Variants in DGKB observed in about 807,000 individuals in gnomAD.
The protein encoded by DGKB is diacylglycerol kinase beta.
DGKB carries 67 observed loss-of-function variants against 114.3 expected under a neutral mutation model. The observed-to-expected ratio is 0.59, with a 90% CI of 0.48 to 0.72. The LOEUF (loss-of-function observed/expected upper bound fraction) is 0.72. Ranked by LOEUF, DGKB falls within the 30% of genes least tolerant of loss-of-function variation. The pLI, the probability that DGKB is intolerant of heterozygous loss-of-function variation, is 0.00. For synonymous variants in DGKB, 398 were observed against 323.1 expected, an observed-to-expected ratio of 1.23 and a Z score of -2.49; for missense variants, 907 against 975.2, an observed-to-expected ratio of 0.93 and a Z score of 0.93.
chr7:14,314,348 C>T (rs1806054619), intron 23 of DGKB, among the ~76,000 whole-genome samples: 1 of 151,476 alleles, frequency 6.6e-6, no homozygotes, highest in African/African-American at 2.4e-5. Flanking sequence ...TACGGGAGGA[C>T]ATTCAAACCA....
chr7:14,168,356 A>G (rs906842135), intron 25 of DGKB, among the ~76,000 whole-genome samples: 13 of 152,218 alleles, frequency 8.5e-5, no homozygotes, highest in Admixed American at 8.5e-4. Flanking sequence ...TCAGAGTTTT[A>G]GAAGGAGAGG....
intron 13 of DGKB, among the ~76,000 whole-genome samples, chr7:14,640,809 A>G (rs1585267949): frequency 1.3e-5 from 2 of 152,346 alleles, no homozygotes; most frequent in East Asian, 3.9e-4. Flanking sequence ...CTTTCTGATC[A>G]CCACTGTTTC....
intron 23 of DGKB, among the ~76,000 whole-genome samples, chr7:14,232,559 A>G (rs1792076171): frequency 3.9e-5 from 6 of 151,902 alleles, no homozygotes; most frequent in Non-Finnish European, 2.9e-5. Context: ...GAGAATCATA[A>G]GAGTGAACCA....
chr7:14,402,247 T>A (rs1823242300), intron 21 of DGKB, among the ~76,000 whole-genome samples: 2 of 151,888 alleles, frequency 1.3e-5, no homozygotes, highest in Admixed American at 1.3e-4. Context: ...AGCTTAGCTA[T>A]TTCTGTAAGT....
rs140950000 is a variant in DGKB, at chr7:14,908,722, C to A, written c.-188+65974G>T. Among the ~76,000 whole-genome samples the A allele has an allele frequency of 4.4e-3, 662 of 152,152 alleles. 7 individuals are homozygous for A. The highest frequency in any genetic ancestry group is 0.015 in the African/African-American group (641 of 41,544). ...TAAATGAAATCTTACCTTTCTGTAA[C>A]TTCTATAAAGACAGGTAACTTGAAA... On this transcript the variant is annotated intron_variant, in intron 1 of 4. Transcript: ENST00000437998.
At chr7:14,934,185 A>G (rs1292847515) in intron 1 of DGKB, among the ~76,000 whole-genome samples, 1 of 152,134 alleles carries the variant, frequency 6.6e-6, no homozygotes, top group African/African-American at 2.4e-5. Flanking sequence ...TTCACCTTCC[A>G]TTTATTTGAT....
At chr7:14,966,610 G>C (rs1011237253) in intron 1 of DGKB, among the ~76,000 whole-genome samples, 5 of 152,032 alleles carry the variant, frequency 3.3e-5, no homozygotes, top group African/African-American at 1.2e-4. Flanking sequence ...GGCCTTTAAG[G>C]GAACATTCAA....
At chr7:14,530,084 T>C (rs1584605966) in intron 20 of DGKB, among the ~76,000 whole-genome samples, 1 of 151,680 alleles carries the variant, frequency 6.6e-6, no homozygotes, top group Non-Finnish European at 1.5e-5. Flanking sequence ...TGAGAGCTCA[T>C]TAAAGGTGTC....
chr7:14,310,397 A>T (rs1210403728), intron 23 of DGKB, among the ~76,000 whole-genome samples: 1 of 152,228 alleles, frequency 6.6e-6, no homozygotes, highest in Admixed American at 6.5e-5. Context: ...ACATAGATGT[A>T]GATTTCGCAA....
rs137883809 is a variant in DGKB at position 14,471,082 on chromosome 7, G to T, written c.1835+7079C>A. 1.3e-3 allele frequency among the ~76,000 whole-genome samples: 195 copies of T among 150,126 alleles called. 1 individual carries two copies. Among genetic ancestry groups the T allele is most frequent in the African/African-American group, 4.5e-3 (187 of 41,118 alleles). Reference sequence around the variant, plus strand: ...TTGTGTTCTATTACTCTAGTCTGTGGGCTTTTCTTTGTCTCTATAGCAAAA... The same window carrying T: ...TTGTGTTCTATTACTCTAGTCTGTGTGCTTTTCTTTGTCTCTATAGCAAAA... On this transcript the variant is annotated intron_variant, in intron 21 of 25. Transcript: ENST00000402815.
rs575679725 is a variant in DGKB, at chr7:14,416,842, A to C, written c.1835+61319T>G. On this transcript the variant is annotated intron_variant, in intron 21 of 25. Coordinates refer to ENST00000402815, the MANE Select transcript of DGKB (RefSeq NM_001350709.2). ...TTTAAATTAGTTAGTTTCTACATGC[A>C]CAGGTAATTTTACTCAACGCTCCCT... is the stretch of plus-strand genomic sequence containing the variant. Among the ~76,000 whole-genome samples, 28 of 152,216 alleles carry C rather than the reference A, an allele frequency of 1.8e-4. 1 individual carries two copies. The South Asian group carries it at 5.4e-3, about 29-fold the overall frequency.
At chr7:14,504,921 A>C (rs1464984246) in intron 20 of DGKB, among the ~76,000 whole-genome samples, 1 of 152,184 alleles carries the variant, frequency 6.6e-6, no homozygotes, top group African/African-American at 2.4e-5. Flanking sequence ...TGTTAATTCG[A>C]TAGTCATCTC....
At chr7:14,898,713 C>A (rs1362307787) in intron 1 of DGKB, among the ~76,000 whole-genome samples, 1 of 152,026 alleles carries the variant, frequency 6.6e-6, no homozygotes, top group African/African-American at 2.4e-5. Flanking sequence ...GAATCAGGGC[C>A]AACAATGTGA....
chr7:14,218,744 CTTTATTGAAAT>C (rs1340136446), intron 23 of DGKB, among the ~76,000 whole-genome samples: 1 of 151,738 alleles, frequency 6.6e-6, no homozygotes, highest in Non-Finnish European at 1.5e-5. Context: ...TTTTTTATAG[CTTTATTGAAAT>C]GTAATCCACA....
intron 23 of DGKB, among the ~76,000 whole-genome samples, chr7:14,245,935 AAAAC>A (rs1383076233): frequency 6.6e-6 from 1 of 152,218 alleles, no homozygotes; most frequent in Non-Finnish European, 1.5e-5. Context: ...TCAAAAAACA[AAAAC>A]AAAAACAAAA....
intron 1 of DGKB, among the ~76,000 whole-genome samples, chr7:14,865,114 T>G (rs1448796492): frequency 6.6e-6 from 1 of 152,174 alleles, no homozygotes; most frequent in Non-Finnish European, 1.5e-5. Flanking sequence ...GTGATCAAGA[T>G]GACCCATGTA....
At chr7:14,937,586 A>C (rs17372553) in intron 1 of DGKB, among the ~76,000 whole-genome samples, 21,721 of 152,236 alleles carry the variant, frequency 0.14, 1,627 homozygotes, top group Admixed American at 0.2. Flanking sequence ...TAGCATCTGA[A>C]ACACAATGAG....
intron 1 of DGKB, among the ~76,000 whole-genome samples, chr7:14,966,051 TCTTAAA>T (rs1562909727): frequency 6.6e-6 from 1 of 152,106 alleles, no homozygotes; most frequent in Non-Finnish European, 1.5e-5. Context: ...TTTCAAAATT[TCTTAAA>T]CTTAAAATGT....
At chr7:14,162,187 G>C (rs1209538888) in intron 25 of DGKB, among the ~76,000 whole-genome samples, 1 of 152,180 alleles carries the variant, frequency 6.6e-6, no homozygotes, top group East Asian at 1.9e-4. Context: ...GCAAATGTGA[G>C]AGGATAGTCA....
Sources: allele counts gnomAD v4.1 joint callset (sites outside exome capture counted in the v4.1 genomes callset), GRCh38; gene constraint gnomAD v4.1.1; transcripts MANE v1.5; gene names NCBI Gene and HGNC (gene_info 2026-07-23, HGNC 2026-07-21).